Variants in DENND1A observed in about 807,000 individuals in gnomAD.
The protein encoded by DENND1A is DENN domain-containing protein 1A.
Under a neutral mutation model 113.7 loss-of-function variants are expected in DENND1A, and 51 were observed. That is an observed-to-expected ratio of 0.45 (90% confidence interval 0.36 to 0.57). DENND1A has a LOEUF of 0.57. Among genes scored for constraint, DENND1A ranks in the 20% least tolerant of loss-of-function variants. DENND1A has a pLI of 0.00. For synonymous variants in DENND1A, 565 were observed against 570.8 expected, an observed-to-expected ratio of 0.99 and a Z score of 0.14; for missense variants, 1,258 against 1,395.9, an observed-to-expected ratio of 0.90 and a Z score of 1.57.
chr9:123,637,692 C>G (rs993551901), intron 9 of DENND1A, among the ~76,000 whole-genome samples: 5 of 152,132 alleles, frequency 3.3e-5, no homozygotes. Flanking sequence ...TAGAACATCT[C>G]AGAAATCAAA....
chr9:123,899,054 A>G (rs1307797294), intron 1 of DENND1A, among the ~76,000 whole-genome samples: 1 of 152,210 alleles, frequency 6.6e-6, no homozygotes, highest in Non-Finnish European at 1.5e-5. Context: ...CGAGGCTCAA[A>G]TCTTGAAACT....
chr9:123,463,021 G>A (rs1279626084), intron 13 of DENND1A, among the ~76,000 whole-genome samples: 1 of 152,200 alleles, frequency 6.6e-6, no homozygotes, highest in African/African-American at 2.4e-5. Context: ...GCATGGAGAA[G>A]AGTAAGGCAA....
At chr9:123,485,865 G>T (rs1588776738) in intron 13 of DENND1A, among the ~76,000 whole-genome samples, 1 of 152,194 alleles carries the variant, frequency 6.6e-6, no homozygotes, top group South Asian at 2.1e-4. Flanking sequence ...AAACTCTCAT[G>T]CCTAGGCTTC....
chr9:123,806,042 C>T (rs1325854844), intron 2 of DENND1A, among the ~76,000 whole-genome samples: 3 of 152,128 alleles, frequency 2.0e-5, no homozygotes, highest in Non-Finnish European at 4.4e-5. Context: ...CAACCTCCAC[C>T]TTCCAGGTTC....
chr9:123,512,644 G>C (rs970404143), intron 13 of DENND1A, among the ~76,000 whole-genome samples: 2 of 152,254 alleles, frequency 1.3e-5, no homozygotes, highest in Non-Finnish European at 2.9e-5. Flanking sequence ...CAGAAGCCTA[G>C]TGGCATGGAT....
Position 123,382,193 on chromosome 9 carries a change from C to T in DENND1A, c.2452G>A (p.Val818Ile), listed in dbSNP as rs769972192. The T allele has an allele frequency of 6.2e-7, 1 of 1,609,416 alleles. No individual in the cohort carries two copies. The highest frequency in any genetic ancestry group is 1.3e-5 in the African/African-American group (1 of 74,880). The change falls in exon 24 of 24, where the codon GTC becomes ATC. Residue 818 changes from valine (V) to isoleucine (I), a missense_variant. By Grantham distance (29) the Val-to-Ile change is conservative (BLOSUM62 3). Around this residue, in one of 2 missense-constraint regions of DENND1A, gnomAD observed 1,159 missense variants for 1,231.7 expected, o/e 0.94. Transcript: ENST00000394215. ...ALSPGLLPGVVPQGPTELLQP... is the reference protein window; with the variant it reads ...ALSPGLLPGVIPQGPTELLQP... The stretch of plus-strand genomic sequence containing the variant: ...AGCAGTTCAGTGGGGCCTTGGGGGA[C>T]AACACCAGGCAGGAGCCCTGGACTC...
intron 3 of DENND1A, among the ~76,000 whole-genome samples, chr9:123,770,997 T>C (rs1465998031): frequency 6.6e-6 from 1 of 152,184 alleles, no homozygotes. Flanking sequence ...TATTTTTTAA[T>C]ATCATCTTGG....
chr9:123,903,651 GC>G (rs1317441138), intron 1 of DENND1A, among the ~76,000 whole-genome samples: 2 of 152,172 alleles, frequency 1.3e-5, no homozygotes, highest in South Asian at 2.1e-4. Context: ...CCCGAATATT[GC>G]GCTTTTCGGA....
At chr9:123,700,747 G>A (rs1040663241) in intron 5 of DENND1A, among the ~76,000 whole-genome samples, 2 of 152,106 alleles carry the variant, frequency 1.3e-5, no homozygotes, top group African/African-American at 2.4e-5. Flanking sequence ...ACTAGTGTTT[G>A]ACCAAATAAT....
chr9:123,556,208 C>T (rs1023010445), intron 13 of DENND1A, among the ~76,000 whole-genome samples: 1 of 152,204 alleles, frequency 6.6e-6, no homozygotes, highest in African/African-American at 2.4e-5. Flanking sequence ...TGTGAGCACA[C>T]AGTGACGATG....
chr9:123,884,995 GCGCA>G (rs1335494511), intron 1 of DENND1A, among the ~76,000 whole-genome samples: 1 of 126,124 alleles, frequency 7.9e-6, no homozygotes, highest in Non-Finnish European at 1.6e-5. Flanking sequence ...GCGAGCGCGC[GCGCA>G]CACACACACA....
intron 5 of DENND1A, among the ~76,000 whole-genome samples, chr9:123,699,599 C>T (rs2065748021): frequency 6.6e-6 from 1 of 151,482 alleles, no homozygotes; most frequent in Non-Finnish European, 1.5e-5. Context: ...AAAGTGATTT[C>T]ATCCAAAACT....
chr9:123,914,173 T>C lies in DENND1A; in HGVS notation c.17+15716A>G, dbSNP rs184736334. ...AATAAAATGAAGACCATCAAGGCCT[T>C]TGTCAAGCTCAAGGTCTTGAAGGGC... On this transcript the variant is annotated intron_variant, in intron 1 of 23. Transcript: ENST00000394215. Among the ~76,000 whole-genome samples the C allele has an allele frequency of 9.9e-4, 151 of 152,108 alleles. 1 individual carries two copies. Among genetic ancestry groups the C allele is most frequent in the Non-Finnish European group, 1.7e-3 (114 of 67,966 alleles).
At chr9:123,443,187 T>C (rs2047055287) in intron 18 of DENND1A, among the ~76,000 whole-genome samples, 1 of 152,188 alleles carries the variant, frequency 6.6e-6, no homozygotes, top group African/African-American at 2.4e-5. Flanking sequence ...CTGGTGCTTT[T>C]ATGCCATATC....
intron 13 of DENND1A, among the ~76,000 whole-genome samples, chr9:123,544,487 T>C (rs193003385): frequency 1.3e-5 from 2 of 152,288 alleles, no homozygotes; most frequent in Non-Finnish European, 2.9e-5. Context: ...TCAAATCACA[T>C]GTAATATGAA....
chr9:123,736,151 C>CA (rs1205535862), intron 5 of DENND1A, among the ~76,000 whole-genome samples: 3 of 152,190 alleles, frequency 2.0e-5, no homozygotes, highest in Non-Finnish European at 4.4e-5. Flanking sequence ...TTGTCTTTAT[C>CA]AAGGCTAAAG....
chr9:123,592,968 ATTAG>A (rs1284666875), intron 11 of DENND1A, among the ~76,000 whole-genome samples: 1 of 152,244 alleles, frequency 6.6e-6, no homozygotes. Flanking sequence ...AGCACTAGGT[ATTAG>A]TTATTATTAT....
At chr9:123,593,162 C>G (rs1002241631) in intron 11 of DENND1A, among the ~76,000 whole-genome samples, 2 of 152,168 alleles carry the variant, frequency 1.3e-5, no homozygotes, top group Non-Finnish European at 2.9e-5. Context: ...TCTGAGACGT[C>G]TTTGCAGTCC....
At chr9:123,409,888 G>A (rs1038774967) in intron 20 of DENND1A, among the ~76,000 whole-genome samples, 2 of 152,074 alleles carry the variant, frequency 1.3e-5, no homozygotes. Context: ...TCAGGAGATC[G>A]AGACCATTCT....
Sources: gnomAD v4.1 joint callset for allele counts (sites outside exome capture counted in the v4.1 genomes callset) on GRCh38, gnomAD v4.1.1 for gene constraint, gnomAD v4.1.1 regional missense constraint, MANE v1.5 for transcripts, NCBI Gene and HGNC (gene_info 2026-07-23, HGNC 2026-07-21) for gene names.